Variants in HPSE2 observed in about 807,000 individuals in gnomAD.
The protein encoded by HPSE2 is heparanase 2 (inactive), also known as inactive heparanase-2.
In HPSE2, 38 loss-of-function variants were observed where a neutral mutation model predicts 60.5. That is an observed-to-expected ratio of 0.63 (90% CI 0.48 to 0.82). The LOEUF (loss-of-function observed/expected upper bound fraction) is 0.82, where lower values mean the gene tolerates loss of function less well. Among genes scored for constraint, HPSE2 ranks in the 40% least tolerant of loss-of-function variants. The pLI is 0.00. For missense variants in HPSE2, 713 were observed against 740.4 expected (o/e 0.96, Z 0.43); for synonymous variants, 295 against 293.2 (o/e 1.01, Z -0.06).
chr10:98,817,627 C>T (rs1352650235), intron 3 of HPSE2, among the ~76,000 whole-genome samples: 1 of 152,144 alleles, frequency 6.6e-6, no homozygotes, highest in African/African-American at 2.4e-5. Flanking sequence ...TCTCACTCTC[C>T]TATTTCTGCT....
At chr10:98,579,325 A>G (rs1944727612) in intron 9 of HPSE2, among the ~76,000 whole-genome samples, 1 of 152,224 alleles carries the variant, frequency 6.6e-6, no homozygotes, top group Non-Finnish European at 1.5e-5. Context: ...TAGAGGATTT[A>G]ATATGCAAGC....
At chr10:99,072,369 C>A (rs893561007) in intron 3 of HPSE2, among the ~76,000 whole-genome samples, 4 of 152,076 alleles carry the variant, frequency 2.6e-5, no homozygotes, top group Non-Finnish European at 4.4e-5. Flanking sequence ...AGGCAACCTA[C>A]AGAATGGGAG....
chr10:98,901,518 G>T (rs930031791), intron 3 of HPSE2, among the ~76,000 whole-genome samples: 1 of 152,132 alleles, frequency 6.6e-6, no homozygotes. Flanking sequence ...GCTAAACAGG[G>T]CTGCCTTGCC....
chr10:98,772,124 G>A (rs1950254064), intron 3 of HPSE2, among the ~76,000 whole-genome samples: 3 of 152,190 alleles, frequency 2.0e-5, no homozygotes, highest in East Asian at 1.9e-4. Context: ...CTTAGGTGTC[G>A]GTGCTTAACT....
intron 9 of HPSE2, among the ~76,000 whole-genome samples, chr10:98,546,164 A>C (rs1456799232): frequency 7.3e-6 from 1 of 137,898 alleles, no homozygotes; most frequent in African/African-American, 2.5e-5. Context: ...GGATACAAAC[A>C]AATGGAAGAA....
At chr10:98,682,328 C>T (rs1653303657) in intron 6 of HPSE2, among the ~76,000 whole-genome samples, 1 of 152,204 alleles carries the variant, frequency 6.6e-6, no homozygotes, top group African/African-American at 2.4e-5. Flanking sequence ...CAGCACAATG[C>T]TTGTACAACC....
intron 9 of HPSE2, among the ~76,000 whole-genome samples, chr10:98,582,569 T>C (rs1170293740): frequency 1.3e-5 from 2 of 152,190 alleles, no homozygotes; most frequent in Non-Finnish European, 2.9e-5. Context: ...CAGCTCCATC[T>C]GTGTCTCGTC....
At chr10:99,028,858 A>G (rs980420590) in intron 3 of HPSE2, among the ~76,000 whole-genome samples, 1 of 152,194 alleles carries the variant, frequency 6.6e-6, no homozygotes, top group Middle Eastern at 3.2e-3. Context: ...CATTTTTGAC[A>G]AAAGTGCCAA....
chr10:99,010,667 A>G (rs1956992231), intron 3 of HPSE2, among the ~76,000 whole-genome samples: 1 of 152,206 alleles, frequency 6.6e-6, no homozygotes, highest in Non-Finnish European at 1.5e-5. Context: ...TCAAGGTAGT[A>G]GATTAGCTCA....
rs562424851 is a variant in HPSE2, at chr10:98,939,307, G to T, written c.611-195251C>A. Among the ~76,000 whole-genome samples, 294 of 143,600 alleles carry T rather than the reference G, an allele frequency of 2.0e-3. 24 individuals carry two copies. Among genetic ancestry groups the T allele is most frequent in the Non-Finnish European group, 3.6e-3 (244 of 67,106 alleles). The allele number at this position is 143,600 out of a possible 152,430, so 94.2% of individuals were successfully genotyped here. On this transcript the variant is annotated intron_variant, in intron 3 of 11. Transcript: ENST00000370552. The stretch of plus-strand genomic sequence containing the variant: ...AGACTGGCAAATTGGATGGAGTCAA[G>T]ACCCATCAGTGTGCTGTATTCAGGA...
intron 9 of HPSE2, among the ~76,000 whole-genome samples, chr10:98,516,520 T>C (rs554724965): frequency 6.6e-6 from 1 of 152,304 alleles, no homozygotes; most frequent in East Asian, 1.9e-4. Context: ...ATCTCACTAA[T>C]TGGTGACTTC....
chr10:98,498,973 T>G (rs1002568773), intron 9 of HPSE2, among the ~76,000 whole-genome samples: 1 of 152,016 alleles, frequency 6.6e-6, no homozygotes, highest in Non-Finnish European at 1.5e-5. Context: ...TAAGAAAACA[T>G]GAACAAAGCC....
chr10:99,198,390 C>G (rs574844196), intron 2 of HPSE2, among the ~76,000 whole-genome samples: 1 of 152,278 alleles, frequency 6.6e-6, no homozygotes, highest in South Asian at 2.1e-4. Flanking sequence ...AGCTTACTCT[C>G]CTCATAATCA....
chr10:99,068,286 C>G (rs551456331), intron 3 of HPSE2, among the ~76,000 whole-genome samples: 1 of 152,270 alleles, frequency 6.6e-6, no homozygotes, highest in South Asian at 2.1e-4. Context: ...CTACTCGGTA[C>G]CAATTTACTG....
chr10:99,305,871 C>G, the HPSE2 span, among the ~76,000 whole-genome samples: 1 of 151,772 alleles, frequency 6.6e-6, no homozygotes, highest in Non-Finnish European at 1.5e-5. Context: ...ATTAATAACT[C>G]AATGGATGTG....
At chr10:98,626,271 A>G (rs143729651) in intron 7 of HPSE2, among the ~76,000 whole-genome samples, 1 of 152,376 alleles carries the variant, frequency 6.6e-6, no homozygotes, top group East Asian at 1.9e-4. Context: ...TACCACCAGG[A>G]AGTTCAAAAA....
intron 9 of HPSE2, among the ~76,000 whole-genome samples, chr10:98,498,872 A>G (rs1427876277): frequency 6.6e-6 from 1 of 152,214 alleles, no homozygotes; most frequent in Non-Finnish European, 1.5e-5. Flanking sequence ...AAGTCTCAGC[A>G]ATAGAACTGA....
At chr10:99,197,781 C>A (rs1458378645) in intron 2 of HPSE2, among the ~76,000 whole-genome samples, 2 of 152,084 alleles carry the variant, frequency 1.3e-5, no homozygotes, top group Non-Finnish European at 2.9e-5. Flanking sequence ...TTACAATGGG[C>A]CAGGCGCAGT....
intron 9 of HPSE2, among the ~76,000 whole-genome samples, chr10:98,505,445 A>G (rs1942169842): frequency 6.6e-6 from 1 of 152,150 alleles, no homozygotes. Context: ...ACTTTACAGG[A>G]TAATGCCCAG....
Sources: gnomAD v4.1 joint callset for allele counts (sites outside exome capture counted in the v4.1 genomes callset) on GRCh38, gnomAD v4.1.1 for gene constraint, MANE v1.5 for transcripts, NCBI Gene and HGNC (gene_info 2026-07-23, HGNC 2026-07-21) for gene names.